GPATCH2: variants seen among roughly 807,000 people sequenced by gnomAD.
GPATCH2 encodes G patch domain-containing protein 2.
A neutral mutation model predicts 58.0 loss-of-function variants in GPATCH2; 51 were observed. That is an observed-to-expected ratio of 0.88 (90% confidence interval 0.70 to 1.11). The LOEUF (loss-of-function observed/expected upper bound fraction) is 1.11, where lower values mean the gene tolerates loss of function less well. Ranked by LOEUF, GPATCH2 falls within the 50% of genes most tolerant of loss-of-function variation. GPATCH2 has a pLI of 0.00. For synonymous variants in GPATCH2, 222 were observed against 218.5 expected, an observed-to-expected ratio of 1.02 and a Z score of -0.14; for missense variants, 625 against 652.2, an observed-to-expected ratio of 0.96 and a Z score of 0.45.
chr1:217,625,874 C>T (rs1272907429), intron 1 of GPATCH2, among the ~76,000 whole-genome samples: 1 of 152,066 alleles, frequency 6.6e-6, no homozygotes, highest in African/African-American at 2.4e-5. Flanking sequence ...ATCCCAGCTA[C>T]CCGGGAGGCT....
chr1:217,506,312 C>T (rs1662559075), intron 6 of GPATCH2, among the ~76,000 whole-genome samples: 2 of 152,066 alleles, frequency 1.3e-5, no homozygotes, highest in Admixed American at 6.6e-5. Context: ...TCCCTGTGAA[C>T]TATAACTACT....
chr1:217,512,605 C>T (rs1662909028), intron 6 of GPATCH2, among the ~76,000 whole-genome samples: 1 of 152,166 alleles, frequency 6.6e-6, no homozygotes, highest in Non-Finnish European at 1.5e-5. Context: ...AGCCATTAAA[C>T]TAAGGAGACT....
intron 5 of GPATCH2, among the ~76,000 whole-genome samples, chr1:217,594,026 T>G (rs190849581): frequency 6.6e-6 from 1 of 152,112 alleles, no homozygotes; most frequent in Non-Finnish European, 1.5e-5. Context: ...TTAATATCTA[T>G]CTAAACAAGA....
Position 217,452,391 on chromosome 1 carries a change from C to T in GPATCH2, c.1278-3054G>A, listed in dbSNP as rs141361686. ...AAGCTAAAACAATTATTAGCCAGGG[C>T]ACGTTTCTTAAGAAACACATTTTTA... is the stretch of plus-strand genomic sequence containing the variant. On this transcript the variant is annotated intron_variant, in intron 8 of 9. Transcript: ENST00000366935. 4.9e-3 allele frequency among the ~76,000 whole-genome samples: 744 copies of T among 152,302 alleles called. 1 individual carries two copies. The highest frequency in any genetic ancestry group is 6.8e-3 in the Middle Eastern group (2 of 294).
intron 8 of GPATCH2, among the ~76,000 whole-genome samples, chr1:217,465,316 C>A (rs894641018): frequency 4.0e-5 from 6 of 151,886 alleles, no homozygotes; most frequent in Non-Finnish European, 5.9e-5. Flanking sequence ...GGAAGATAGG[C>A]AAAGAAGATC....
chr1:217,435,283 G>A (rs1658768273), intron 9 of GPATCH2, among the ~76,000 whole-genome samples: 1 of 152,186 alleles, frequency 6.6e-6, no homozygotes, highest in Non-Finnish European at 1.5e-5. Context: ...CCAGCCTCCT[G>A]TCTGCTGGAT....
chr1:217,455,174 T>C (rs561303743), intron 8 of GPATCH2, among the ~76,000 whole-genome samples: 1 of 152,244 alleles, frequency 6.6e-6, no homozygotes, highest in African/African-American at 2.4e-5. Flanking sequence ...TTTCAGTAAT[T>C]GGATCCAAGC....
intron 9 of GPATCH2, among the ~76,000 whole-genome samples, chr1:217,439,393 T>TA (rs1243645216): frequency 1.3e-5 from 2 of 152,154 alleles, no homozygotes; most frequent in Non-Finnish European, 2.9e-5. Flanking sequence ...TTGATAGCAC[T>TA]AAATGCCCAA....
chr1:217,498,459 C>G, intron 6 of GPATCH2, 64 bp from the exon 7 acceptor site: 2 of 1,198,082 alleles, frequency 1.7e-6, no homozygotes, highest in East Asian at 4.6e-5. Context: ...CTCACATGAT[C>G]GAGCCGCATG....
intron 7 of GPATCH2, chr1:217,492,498 C>T (rs192436942): frequency 3.9e-5 from 6 of 152,144 alleles, no homozygotes; most frequent in South Asian, 2.1e-4. Context: ...TGGGCTAAAA[C>T]GAAGTTGTAC....
chr1:217,505,259 A>AC (rs1238182091), intron 6 of GPATCH2, among the ~76,000 whole-genome samples: 1 of 152,192 alleles, frequency 6.6e-6, no homozygotes, highest in African/African-American at 2.4e-5. Flanking sequence ...TTTAATCCTC[A>AC]CCGCAGCACT....
At chr1:217,549,342 A>G (rs1390800198) in intron 5 of GPATCH2, among the ~76,000 whole-genome samples, 2 of 152,204 alleles carry the variant, frequency 1.3e-5, no homozygotes, top group Non-Finnish European at 2.9e-5. Flanking sequence ...CTCATGTTCC[A>G]TATATCTGTT....
At chr1:217,454,364 C>T (rs1355378605) in intron 8 of GPATCH2, among the ~76,000 whole-genome samples, 5 of 151,814 alleles carry the variant, frequency 3.3e-5, no homozygotes, top group East Asian at 2.0e-4. Flanking sequence ...CTGAGGTGGG[C>T]GGATCACGAG....
chr1:217,492,351 A>AC (rs1661786053), intron 7 of GPATCH2: 2 of 152,196 alleles, frequency 1.3e-5, no homozygotes, highest in East Asian at 3.8e-4. Context: ...AAAATGCCTT[A>AC]CCATCCACTT....
chr1:217,513,794 A>G (rs1662975551), intron 6 of GPATCH2, among the ~76,000 whole-genome samples: 1 of 151,952 alleles, frequency 6.6e-6, no homozygotes, highest in South Asian at 2.1e-4. Flanking sequence ...TGGCAGTAGC[A>G]GAAAGTAGAG....
intron 5 of GPATCH2, among the ~76,000 whole-genome samples, chr1:217,524,129 C>T (rs1428079681): frequency 6.6e-6 from 1 of 151,218 alleles, no homozygotes; most frequent in African/African-American, 2.4e-5. Flanking sequence ...AGAGACGCTC[C>T]TCACTTCCCA....
chr1:217,510,094 T>A (rs1238087528), intron 6 of GPATCH2, among the ~76,000 whole-genome samples: 1 of 152,192 alleles, frequency 6.6e-6, no homozygotes, highest in Non-Finnish European at 1.5e-5. Context: ...ATTCTGTTAC[T>A]TTTTCCTGAA....
At chr1:217,432,365 A>G (rs265139) in intron 9 of GPATCH2, among the ~76,000 whole-genome samples, 2,433 of 152,312 alleles carry the variant, frequency 0.016, 37 homozygotes, top group Non-Finnish European at 0.024. Flanking sequence ...AAAGTTGAGC[A>G]TAGATACTGT....
At chr1:217,610,844 T>C in intron 4 of GPATCH2, 45 bp downstream of exon 4, 2 of 1,316,078 alleles carry the variant, frequency 1.5e-6, no homozygotes, top group Non-Finnish European at 2.2e-6. Context: ...ATTCCTAGAC[T>C]GACCTTAAAC....
Sources: allele counts gnomAD v4.1 joint callset (sites outside exome capture counted in the v4.1 genomes callset), GRCh38; gene constraint gnomAD v4.1.1; transcripts MANE v1.5; gene names NCBI Gene and HGNC (gene_info 2026-07-23, HGNC 2026-07-21).